The following CYFIP2 variants were observed in gnomAD, a reference collection of about 807,000 sequenced individuals.
CYFIP2 encodes the protein cytoplasmic FMR1-interacting protein 2.
In CYFIP2, 29 loss-of-function variants were observed where a neutral mutation model predicts 158.7. The observed-to-expected ratio is 0.18, with a 90% confidence interval of 0.14 to 0.25. The LOEUF is 0.25. Among genes scored for constraint, CYFIP2 ranks in the 10% least tolerant of loss-of-function variants. CYFIP2 has a pLI of 1.00. For missense variants in CYFIP2, 852 were observed against 1,639.5 expected (o/e 0.52, Z 8.29); for synonymous variants, 585 against 617.6 (o/e 0.95, Z 0.78).
chr5:157,307,674 T>TGA (rs1313307293), intron 8 of CYFIP2, 87 bp from the exon 9 acceptor site: 3 of 684,752 alleles, frequency 4.4e-6, no homozygotes, highest in Non-Finnish European at 8.0e-6. Context: ...TGTGTGTGTG[T>TGA]GACACATATA....
intron 23 of CYFIP2, among the ~76,000 whole-genome samples, chr5:157,346,010 A>G (rs765557474): frequency 3.9e-5 from 6 of 152,142 alleles, no homozygotes; most frequent in Non-Finnish European, 5.9e-5. Flanking sequence ...ATTCATCTTC[A>G]TCCCCTCCCA....
intron 15 of CYFIP2, chr5:157,322,900 G>T: frequency 6.8e-7 from 1 of 1,479,760 alleles, no homozygotes; most frequent in Non-Finnish European, 9.1e-7. Flanking sequence ...TGTCTCTCCT[G>T]CCCTCCCATT....
chr5:157,388,828 T>C (rs1207673950), intron 28 of CYFIP2, among the ~76,000 whole-genome samples: 2 of 152,218 alleles, frequency 1.3e-5, no homozygotes, highest in Non-Finnish European at 2.9e-5. Context: ...GCCTGCTTTA[T>C]TACCCACACT....
rs1471002243 is a variant in CYFIP2 at position 157,323,104 on chromosome 5, C to G, written c.1672-817C>G. 7.8e-5 allele frequency: 95 copies of G among 1,223,360 alleles called. No homozygotes were observed. In the South Asian group the frequency reaches 1.2e-3, roughly 16 times the overall value. The allele number at this position is 1,223,360 out of a possible 1,614,324, so 75.8% of individuals were successfully genotyped here. On this transcript the variant is annotated intron_variant, in intron 15 of 30. Transcript: ENST00000620254. ...TAGCCTGGCTCCTCAAGGCCCCTTC[C>G]AGCCCTAAGATTCACAGACAAATGA...
chr5:157,277,206 T>G (rs1756624001), intron 1 of CYFIP2: 1 of 152,122 alleles, frequency 6.6e-6, no homozygotes, highest in Admixed American at 6.6e-5. Context: ...AATTTTTGTA[T>G]TTTTATTAGG....
chr5:157,313,113 T>G (rs981487365), intron 11 of CYFIP2, among the ~76,000 whole-genome samples: 5 of 152,376 alleles, frequency 3.3e-5, no homozygotes, highest in African/African-American at 1.2e-4. Flanking sequence ...AGTCTCATTA[T>G]TCACAGTAGT....
At chr5:157,390,492 C>T (rs1322912805) in intron 29 of CYFIP2, 29 bp from the exon 30 acceptor site, 4 of 1,434,106 alleles carry the variant, frequency 2.8e-6, no homozygotes, top group Admixed American at 2.1e-5. Flanking sequence ...CGACCTCTCA[C>T]TCCAGCTGCT....
At chr5:157,281,832 C>T (rs1000738302) in intron 1 of CYFIP2, among the ~76,000 whole-genome samples, 6 of 152,126 alleles carry the variant, frequency 3.9e-5, no homozygotes, top group African/African-American at 1.4e-4. Flanking sequence ...TTCCTGTTTT[C>T]CATAGGTAAC....
Position 157,266,948 on chromosome 5 carries a change from T to A in CYFIP2, c.-24+753T>A, listed in dbSNP as rs1862874. The stretch of plus-strand genomic sequence containing the variant: ...TCTGTTGTGGCGTCTACTTTTCAGG[T>A]CAGCCCTACCCCTCACCCCAAAGAA... On this transcript the variant is annotated intron_variant, in intron 1 of 30. Coordinates refer to ENST00000620254, the MANE Select transcript of CYFIP2 (RefSeq NM_001037333.3). This position sits in a 1 kb window ranked among gnomAD's most constrained non-coding sequence, Gnocchi z 4.2. 65,111 of 152,106 alleles carry A rather than the reference T, an allele frequency of 0.43. 15,292 individuals carry two copies. The highest frequency in any genetic ancestry group is 0.64 in the African/African-American group (26,422 of 41,440). The allele number at this position is 152,106 out of a possible 1,614,324, so 9.4% of individuals were successfully genotyped here. A position where few individuals can be genotyped will look rare whatever the true frequency, so the allele number is the denominator to read the frequency against.
At chr5:157,367,904 AC>A (rs932992924) in intron 26 of CYFIP2, among the ~76,000 whole-genome samples, 5 of 151,822 alleles carry the variant, frequency 3.3e-5, no homozygotes, top group African/African-American at 9.7e-5. Context: ...ACAGGCATGC[AC>A]CACCACACCC....
At chr5:157,345,525 C>T (rs941505970) in intron 23 of CYFIP2, 5 of 152,594 alleles carry the variant, frequency 3.3e-5, no homozygotes, top group Non-Finnish European at 7.3e-5. Flanking sequence ...CAAGAAGAGC[C>T]ATCTATATGT....
chr5:157,382,491 C>CA, intron 26 of CYFIP2, 99 bp from the exon 27 acceptor site: 1 of 1,264,670 alleles, frequency 7.9e-7, no homozygotes. Flanking sequence ...GATTTGAACC[C>CA]AGGTCTAGCT....
Position 157,292,822 on chromosome 5 carries a change from A to T in CYFIP2, c.208-1961A>T, listed in dbSNP as rs547065667. 2.1e-4 allele frequency among the ~76,000 whole-genome samples: 31 copies of T among 148,064 alleles called. No homozygotes were observed. The South Asian group carries it at 4.4e-3, about 21-fold the overall frequency. On this transcript the variant is annotated intron_variant, in intron 3 of 30. Transcript: ENST00000620254. The stretch of plus-strand genomic sequence containing the variant: ...GGTTAACGTGTTGTGACACTGCCAG[A>T]TTATTTTTCTGACTCACTTCACAGA...
intron 26 of CYFIP2, chr5:157,362,612 C>T (rs2113374079): frequency 6.6e-6 from 1 of 152,318 alleles, no homozygotes; most frequent in Admixed American, 6.5e-5. Flanking sequence ...CCATCTCACT[C>T]ATTAGATAAT....
intron 24 of CYFIP2, 76 bp downstream of exon 24, chr5:157,359,224 A>G: frequency 6.4e-7 from 1 of 1,572,670 alleles, no homozygotes; most frequent in Non-Finnish European, 8.7e-7. Flanking sequence ...TTTACTTTTT[A>G]CCTGGCCTGT....
At position 157,389,329 on chromosome 5, in the gene CYFIP2, C is replaced by T. The variant is rs769817015; in HGVS notation, c.3348C>T (p.Gly1116=). The T allele has an allele frequency of 9.4e-5, 152 of 1,613,878 alleles. No homozygotes were observed. Among genetic ancestry groups the T allele is most frequent in the African/African-American group, 1.2e-4 (9 of 74,948 alleles). The stretch of plus-strand genomic sequence containing the variant: ...GGCGGGGCCCACCGCCCACCAATGG[C>T]GTCATGCACGTCGATGAGTGTGTGG... The part of the protein sequence containing the change: ...PIWRGPPPTN[G]VMHVDECVEF... The change falls in exon 29 of 31, where the codon GGC becomes GGT. Residue 1116 remains glycine, a synonymous_variant. Transcript: ENST00000620254.
Position 157,311,658 on chromosome 5 carries a change from A to G in CYFIP2, c.993-6A>G. ...ACCCTCTCCGACCCCATAATTTTCTACCCAGGTGGACGTGCACCCAGAGCA... is the reference window on the plus strand; with the variant it reads ...ACCCTCTCCGACCCCATAATTTTCTGCCCAGGTGGACGTGCACCCAGAGCA... On this transcript the variant is annotated splice_polypyrimidine_tract_variant and splice_region_variant and intron_variant, in intron 10 of 30. Transcript: ENST00000620254. This position sits in a 1 kb window ranked among gnomAD's most constrained non-coding sequence, Gnocchi z 4.7. The G allele has an allele frequency of 6.3e-7, 1 of 1,599,284 alleles. No homozygotes were observed. The highest frequency in any genetic ancestry group is 8.5e-7 in the Non-Finnish European group (1 of 1,173,158).
intron 23 of CYFIP2, chr5:157,343,349 A>G (rs1404027589): frequency 6.2e-7 from 1 of 1,614,106 alleles, no homozygotes; most frequent in Non-Finnish European, 8.5e-7. Context: ...AAGATGTTCC[A>G]GCACCACGGA....
chr5:157,327,799 A>G, intron 18 of CYFIP2, 174 bp from the exon 19 acceptor site: 1 of 605,332 alleles, frequency 1.7e-6, no homozygotes, highest in East Asian at 2.9e-5. Context: ...GAGGACCCTG[A>G]GAGCAAGGGA....
Sources: gnomAD v4.1 joint callset for allele counts (sites outside exome capture counted in the v4.1 genomes callset) on GRCh38, gnomAD v4.1.1 for gene constraint, Gnocchi (gnomAD v3.1) non-coding constraint, MANE v1.5 for transcripts, NCBI Gene and HGNC (gene_info 2026-07-23, HGNC 2026-07-21) for gene names.